The following ETF1 variants were observed in gnomAD, a reference collection of about 807,000 sequenced individuals.
ETF1 encodes the protein eukaryotic peptide chain release factor subunit 1.
Under a neutral mutation model 55.1 loss-of-function variants are expected in ETF1, and 4 were observed. That is an observed-to-expected ratio of 0.07 (90% CI 0.04 to 0.17). The LOEUF (loss-of-function observed/expected upper bound fraction) is 0.17, where lower values mean the gene tolerates loss of function less well. Ranked by LOEUF, ETF1 falls within the 10% of genes least tolerant of loss-of-function variation. The pLI is 1.00. For missense variants in ETF1, 142 were observed against 523.6 expected, an observed-to-expected ratio of 0.27 and a Z score of 7.11; for synonymous variants, 157 against 182.3, an observed-to-expected ratio of 0.86 and a Z score of 1.12.
At chr5:138,540,099 G>C (rs1766111097) in intron 2 of ETF1, among the ~76,000 whole-genome samples, 1 of 151,984 alleles carries the variant, frequency 6.6e-6, no homozygotes, top group African/African-American at 2.4e-5. Flanking sequence ...ATTAAATTTG[G>C]GTCATATATC....
chr5:138,516,428 G>A (rs1035059923), intron 4 of ETF1, among the ~76,000 whole-genome samples: 1 of 152,144 alleles, frequency 6.6e-6, no homozygotes, highest in Non-Finnish European at 1.5e-5. Context: ...CTTGAGGCCA[G>A]GAGTTTGGGA....
At position 138,536,992 on chromosome 5, in the gene ETF1, G is replaced by A. The variant is rs145769851; in HGVS notation, c.86+5841C>T. On this transcript the variant is annotated intron_variant, in intron 2 of 10. Coordinates refer to ENST00000360541, the MANE Select transcript of ETF1 (RefSeq NM_004730.4). ...GTCCAGAGTAAGCCTTCCTTCCCTG[G>A]AAGCATAAGTATATCTGCTATTACA... Among the ~76,000 whole-genome samples, 826 of 152,226 alleles carry A rather than the reference G, an allele frequency of 5.4e-3. 10 individuals are homozygous for A. Among genetic ancestry groups the A allele is most frequent in the Non-Finnish European group, 9.9e-3 (672 of 68,006 alleles).
intron 6 of ETF1, 120 bp downstream of exon 6, chr5:138,512,644 C>G: frequency 1.2e-6 from 1 of 818,142 alleles, no homozygotes; most frequent in East Asian, 3.2e-5. Flanking sequence ...CTGTTTAACT[C>G]AGAGGCAAGT....
At chr5:138,516,265 G>A (rs1031772125) in intron 4 of ETF1, among the ~76,000 whole-genome samples, 2 of 152,146 alleles carry the variant, frequency 1.3e-5, no homozygotes, top group Non-Finnish European at 2.9e-5. Context: ...ATACGCTTGA[G>A]GAAATGGGTA....
intron 9 of ETF1, 50 bp downstream of exon 9, chr5:138,510,515 C>A: frequency 7.0e-7 from 1 of 1,425,562 alleles, no homozygotes. Flanking sequence ...TACTCTAACA[C>A]ACGGATTTAC....
In ETF1 at chr5:138,512,554, C is replaced by T. The variant is rs1764862495; in HGVS notation, c.732+210G>A. The T allele has an allele frequency of 2.9e-5, 13 of 442,826 alleles. No individual in the cohort carries two copies. The South Asian group carries it at 6.1e-4, about 21-fold the overall frequency. The allele number at this position is 442,826 out of a possible 1,614,324, so 27.4% of individuals were successfully genotyped here. ...CTCCACAGGATCCATAAGAAGCCCA[C>T]CTAAAAATGGTTGATTTCAGAAGAG... On this transcript the variant is annotated intron_variant, in intron 6 of 10. Transcript: ENST00000360541.
intron 2 of ETF1, 42 bp downstream of exon 2, chr5:138,542,791 G>C: frequency 6.2e-7 from 1 of 1,606,940 alleles, no homozygotes; most frequent in Non-Finnish European, 8.5e-7. Context: ...TGAGGGGTCC[G>C]GGAACCAAGA....
chr5:138,528,540 A>G (rs1765568954), intron 2 of ETF1, among the ~76,000 whole-genome samples: 1 of 152,322 alleles, frequency 6.6e-6, no homozygotes, highest in African/African-American at 2.4e-5. Context: ...AAATGGCTCA[A>G]AAGTGTAGCT....
At chr5:138,526,193 T>A (rs988846484) in intron 2 of ETF1, among the ~76,000 whole-genome samples, 3 of 151,944 alleles carry the variant, frequency 2.0e-5, no homozygotes, top group African/African-American at 7.3e-5. Context: ...CTATCCAGAG[T>A]CCAGTGGAAG....
chr5:138,536,621 G>T (rs1038977749), intron 2 of ETF1, among the ~76,000 whole-genome samples: 2 of 152,150 alleles, frequency 1.3e-5, no homozygotes, highest in African/African-American at 4.8e-5. Context: ...TATTCTGAGA[G>T]CCCTAGAGAA....
chr5:138,531,414 C>G (rs73261806), intron 2 of ETF1, among the ~76,000 whole-genome samples: 1,949 of 152,158 alleles, frequency 0.013, 39 homozygotes, highest in African/African-American at 0.044. Context: ...ATCAAAAAAC[C>G]CCCAAAACCT....
intron 2 of ETF1, among the ~76,000 whole-genome samples, chr5:138,530,544 T>C (rs868779753): frequency 6.6e-6 from 1 of 151,902 alleles, no homozygotes; most frequent in Non-Finnish European, 1.5e-5. Flanking sequence ...TCCCAAAGTG[T>C]TGGGATTACA....
chr5:138,541,450 C>G, intron 2 of ETF1: 1 of 1,187,104 alleles, frequency 8.4e-7, no homozygotes, highest in Admixed American at 2.0e-5. Context: ...TGGGGCCAAA[C>G]TTTTAGAAGC....
chr5:138,512,263 T>TATATATATATATA lies in ETF1; in HGVS notation c.732+500_732+501insTATATATATATAT, dbSNP rs61389535. Among the ~76,000 whole-genome samples, 64 of 17,884 alleles carry TATATATATATATA rather than the reference T, an allele frequency of 3.6e-3. 2 individuals are homozygous for TATATATATATATA. Among genetic ancestry groups the TATATATATATATA allele is most frequent in the African/African-American group, 0.012 (61 of 4,950 alleles). The allele number at this position is 17,884 out of a possible 152,430, so 11.7% of individuals were successfully genotyped here. The stretch of plus-strand genomic sequence containing the variant: ...ATATATATATATATATATATATTTT[T>TATATATATATATA]TTTTTTTTTTAAAGGCAATTTCTTT... On this transcript the variant is annotated intron_variant, in intron 6 of 10. Transcript: ENST00000360541.
intron 4 of ETF1, among the ~76,000 whole-genome samples, chr5:138,516,555 C>T (rs1406291569): frequency 2.6e-5 from 4 of 152,094 alleles, no homozygotes; most frequent in South Asian, 4.1e-4. Context: ...GCACAAGAAT[C>T]GCTTGAACCA....
At chr5:138,534,965 C>A (rs893565838) in intron 2 of ETF1, among the ~76,000 whole-genome samples, 1 of 126,356 alleles carries the variant, frequency 7.9e-6, no homozygotes. Flanking sequence ...AAACTAGTTT[C>A]TTTTTTTTTT....
chr5:138,508,561 A>G lies in ETF1; in HGVS notation c.1231+108T>C, dbSNP rs925920187. On this transcript the variant is annotated intron_variant, in intron 10 of 10. Transcript: ENST00000360541. ...CCTGCACCTGCTGCGTCAATCACCT[A>G]TCCCAGCAGATAATAAGCACCTCAC... 20 of 1,561,854 alleles carry G rather than the reference A, an allele frequency of 1.3e-5. No homozygotes were observed. In the African/African-American group the frequency reaches 1.5e-4, roughly 12 times the overall value.
intron 9 of ETF1, among the ~76,000 whole-genome samples, chr5:138,509,696 AC>A (rs1452213707): frequency 2.6e-5 from 4 of 151,818 alleles, no homozygotes; most frequent in Admixed American, 6.6e-5. Flanking sequence ...GGAGTTCGAG[AC>A]CAGCCTGGCC....
chr5:138,529,299 A>G (rs930622426), intron 2 of ETF1, among the ~76,000 whole-genome samples: 4 of 152,232 alleles, frequency 2.6e-5, no homozygotes, highest in African/African-American at 9.6e-5. Context: ...AACACCCAAA[A>G]TAAAATTAAG....
Sources: allele counts gnomAD v4.1 joint callset (sites outside exome capture counted in the v4.1 genomes callset), GRCh38; gene constraint gnomAD v4.1.1; transcripts MANE v1.5; gene names NCBI Gene and HGNC (gene_info 2026-07-23, HGNC 2026-07-21).